Variants in ZFYVE27 observed in about 807,000 individuals in gnomAD.
ZFYVE27 encodes the protein protrudin.
ZFYVE27 carries 36 observed loss-of-function variants against 52.8 expected under a neutral mutation model. The ratio of observed to expected loss-of-function variants is 0.68; its 90% CI spans 0.52 to 0.90. The LOEUF is 0.90. ZFYVE27 is among the 40% of genes least tolerant of loss of function. The probability of loss-of-function intolerance (pLI) is 0.00; values close to 1 mark genes in which losing one functional copy is unlikely to be tolerated. For missense variants in ZFYVE27, 450 were observed against 527.2 expected, an observed-to-expected ratio of 0.85 and a Z score of 1.43; for synonymous variants, 223 against 215.6, an observed-to-expected ratio of 1.03 and a Z score of -0.30.
Position 97,759,395 on chromosome 10 carries a change from G to A in ZFYVE27, c.*95G>A. On this transcript the variant is annotated 3_prime_UTR_variant, in exon 13 of 13. Coordinates refer to ENST00000684270, the MANE Select transcript of ZFYVE27 (RefSeq NM_001385875.1). The stretch of plus-strand genomic sequence containing the variant: ...CCTGGCCCACTGTGGTGTGTGCTGG[G>A]CAAATGTGGCCTGAATGCTAGGTAG... The A allele has an allele frequency of 7.5e-7, 1 of 1,333,462 alleles. No individual in the cohort carries two copies. Among genetic ancestry groups the A allele is most frequent in the Non-Finnish European group, 1.1e-6 (1 of 930,046 alleles). 82.6% of individuals were successfully genotyped at this position (1,333,462 alleles called of 1,614,324 possible). A position where few individuals can be genotyped will look rare whatever the true frequency, so the allele number is the denominator to read the frequency against.
Position 97,757,652 on chromosome 10 carries a change from G to C in ZFYVE27, c.1100G>C (p.Ser367Thr), listed in dbSNP as rs1380822565. 1.2e-6 allele frequency: 2 copies of C among 1,614,256 alleles called. No homozygotes were observed. Among genetic ancestry groups the C allele is most frequent in the Non-Finnish European group, 1.7e-6 (2 of 1,180,044 alleles). Residue 367 changes from serine to threonine, a missense_variant, in exon 12 of 13, where the codon AGT becomes ACT. Transcript: ENST00000684270. ...GGCTCTTGTCTGCAGCGGAGCTGCAGTAATTGTGGAAACAGCTTCTGCTCT... is the reference window on the plus strand; with the variant it reads ...GGCTCTTGTCTGCAGCGGAGCTGCACTAATTGTGGAAACAGCTTCTGCTCT... ...FSVLKKRRSCSNCGNSFCSRC... is the reference protein window; with the variant it reads ...FSVLKKRRSCTNCGNSFCSRC...
In ZFYVE27 at chr10:97,754,313, C is replaced by CTT. The variant is rs35784590; in HGVS notation, c.1042+1147_1042+1148dup. On this transcript the variant is annotated intron_variant, in intron 10 of 12. Transcript: ENST00000684270. ...AATGTCCCCCAGTTATTCAAGATCC[C>CTT]TTTTTTTTTTTTTTTTTGAGACAAG... 4.4e-3 allele frequency among the ~76,000 whole-genome samples: 570 copies of CTT among 130,666 alleles called. 4 individuals carry two copies. Among genetic ancestry groups the CTT allele is most frequent in the African/African-American group, 0.014 (495 of 36,314 alleles). 85.7% of individuals were successfully genotyped at this position (130,666 alleles called of 152,430 possible).
intron 8 of ZFYVE27, among the ~76,000 whole-genome samples, chr10:97,752,109 G>A (rs1333239549): frequency 6.6e-6 from 1 of 152,190 alleles, no homozygotes; most frequent in Admixed American, 6.5e-5. Flanking sequence ...CTTTACGCAG[G>A]TCACATGCTG....
intron 12 of ZFYVE27, chr10:97,758,255 A>C (rs7080953): frequency 1.3e-5 from 2 of 152,032 alleles, no homozygotes; most frequent in Admixed American, 1.3e-4. Flanking sequence ...GAATAAAAGC[A>C]CATGCATATT....
At position 97,754,925 on chromosome 10, in the gene ZFYVE27, T is replaced by C. The variant is rs144649021; in HGVS notation, c.1042+1743T>C. The C allele has an allele frequency of 2.1e-4, 169 of 817,858 alleles. No homozygotes were observed. The African/African-American group carries it at 2.9e-3, about 14-fold the overall frequency. The allele number at this position is 817,858 out of a possible 1,614,324, so 50.7% of individuals were successfully genotyped here. On this transcript the variant is annotated intron_variant, in intron 10 of 12. Coordinates refer to ENST00000684270, the MANE Select transcript of ZFYVE27 (RefSeq NM_001385875.1). ...AAAAAGAGTGCTTTGCCCAGAGACT[T>C]TGGCCTGGAAATGGTGGAGCTGTGA... is the stretch of plus-strand genomic sequence containing the variant.
chr10:97,759,270 T>C lies in ZFYVE27; in HGVS notation c.1206T>C (p.Cys402=), dbSNP rs1161771416. Residue 402 remains cysteine, a synonymous_variant, in exon 13 of 13, where the codon TGT becomes TGC. Transcript: ENST00000684270. The stretch of plus-strand genomic sequence containing the variant: ...CCCAGAGGGAGACTGTGTTTGTGTG[T>C]GCCTCGTGTAACCAGACCTTGAGCA... ...PEAQRETVFV[C]ASCNQTLSK 1 of 1,614,176 alleles carries C rather than the reference T, an allele frequency of 6.2e-7. No homozygotes were observed.
chr10:97,743,886 C>G (rs2044439760), intron 3 of ZFYVE27, among the ~76,000 whole-genome samples: 1 of 152,342 alleles, frequency 6.6e-6, no homozygotes, highest in East Asian at 1.9e-4. Context: ...CATAAAAAGC[C>G]AAACCCCTCA....
chr10:97,750,520 CCT>C lies in ZFYVE27; in HGVS notation c.804+51_804+52del, dbSNP rs749116443. 3.1e-6 allele frequency: 5 copies of C among 1,610,266 alleles called. 1 individual carries two copies. The South Asian group carries it at 3.3e-5, about 11-fold the overall frequency. On this transcript the variant is annotated intron_variant, in intron 7 of 12. Transcript: ENST00000684270. ...CCTGCTGTGGCCGCTTGTGGGCCCC[CCT>C]GTTATCAGCTTGTTTTTGGCTCCTG...
In ZFYVE27 at chr10:97,759,287, C is replaced by A. The variant is rs2049173418; in HGVS notation, c.1223C>A (p.Thr408Asn). The stretch of plus-strand genomic sequence containing the variant: ...TTTGTGTGTGCCTCGTGTAACCAGA[C>A]CTTGAGCAAGTGAGAAGAGAGGCCA... ...TVFVCASCNQ[T>N]LSK Residue 408 changes from threonine to asparagine, a missense_variant, in exon 13 of 13, where the codon ACC (threonine) becomes AAC (asparagine). By Grantham distance (65) the Thr-to-Asn change is moderately conservative (BLOSUM62 0). Coordinates refer to ENST00000684270, the MANE Select transcript of ZFYVE27 (RefSeq NM_001385875.1). 2 of 1,614,070 alleles carry A rather than the reference C, an allele frequency of 1.2e-6. No individual in the cohort carries two copies. The highest frequency in any genetic ancestry group is 1.3e-5 in the African/African-American group (1 of 74,932).
intron 12 of ZFYVE27, among the ~76,000 whole-genome samples, chr10:97,758,453 A>C (rs2048967216): frequency 6.6e-6 from 1 of 151,398 alleles, no homozygotes; most frequent in Non-Finnish European, 1.5e-5. Context: ...CCTCCCGAGT[A>C]GCTGGGATTA....
intron 12 of ZFYVE27, chr10:97,758,140 A>G (rs1396008713): frequency 6.4e-6 from 1 of 156,026 alleles, no homozygotes; most frequent in Non-Finnish European, 1.4e-5. Flanking sequence ...TTTCCTATAC[A>G]TATTGTAAAT....
chr10:97,746,240 G>A (rs558070788), intron 4 of ZFYVE27, among the ~76,000 whole-genome samples: 1 of 152,006 alleles, frequency 6.6e-6, no homozygotes, highest in East Asian at 1.9e-4. Context: ...GTAGAGATGA[G>A]GTTTCATCAT....
chr10:97,758,574 G>A (rs866053874), intron 12 of ZFYVE27, among the ~76,000 whole-genome samples: 4 of 152,104 alleles, frequency 2.6e-5, no homozygotes, highest in Admixed American at 6.6e-5. Context: ...TGCCCGCCTC[G>A]GCCTCCCAAA....
chr10:97,751,853 G>T (rs2047087844), intron 8 of ZFYVE27, among the ~76,000 whole-genome samples: 1 of 152,224 alleles, frequency 6.6e-6, no homozygotes, highest in Non-Finnish European at 1.5e-5. Flanking sequence ...GCTGGGAGGG[G>T]AGGTTGGAGA....
intron 6 of ZFYVE27, 129 bp downstream of exon 6, chr10:97,749,715 G>T: frequency 1.3e-6 from 1 of 760,948 alleles, no homozygotes; most frequent in Non-Finnish European, 2.3e-6. Context: ...CACCACACTG[G>T]GGTCCTCTCT....
intron 10 of ZFYVE27, among the ~76,000 whole-genome samples, chr10:97,754,195 C>G (rs2047738177): frequency 6.6e-6 from 1 of 152,122 alleles, no homozygotes; most frequent in African/African-American, 2.4e-5. Context: ...ACTCAGGGCC[C>G]CCAGGGTCCT....
intron 6 of ZFYVE27, chr10:97,750,044 G>A: frequency 2.1e-6 from 1 of 470,646 alleles, no homozygotes; most frequent in Non-Finnish European, 3.9e-6. Context: ...ATATGTTTGG[G>A]TGATTGCTGT....
At chr10:97,749,017 C>T (rs1238536400) in intron 5 of ZFYVE27, among the ~76,000 whole-genome samples, 4 of 152,146 alleles carry the variant, frequency 2.6e-5, no homozygotes, top group African/African-American at 9.7e-5. Flanking sequence ...TCACCTGGTG[C>T]CAGGCACTGC....
chr10:97,740,648 G>T (rs1306047586), intron 2 of ZFYVE27, among the ~76,000 whole-genome samples: 1 of 152,232 alleles, frequency 6.6e-6, no homozygotes, highest in African/African-American at 2.4e-5. Flanking sequence ...AAAGCAGGAT[G>T]CAGGAGGAGC....
Sources: allele counts gnomAD v4.1 joint callset (sites outside exome capture counted in the v4.1 genomes callset), GRCh38; gene constraint gnomAD v4.1.1; transcripts MANE v1.5; gene names NCBI Gene and HGNC (gene_info 2026-07-23, HGNC 2026-07-21).